Variants in HYAL4 observed in about 807,000 individuals in gnomAD.
HYAL4 encodes the protein hyaluronidase-4.
In HYAL4, 37 loss-of-function variants were observed where a neutral mutation model predicts 35.2. The ratio of observed to expected loss-of-function variants is 1.05; its 90% CI spans 0.81 to 1.38. The LOEUF is 1.38. Ranked by LOEUF, HYAL4 falls within the 40% of genes most tolerant of loss-of-function variation. The pLI, the probability that HYAL4 is intolerant of heterozygous loss-of-function variation, is 0.00. For synonymous variants in HYAL4, 198 were observed against 203.2 expected (o/e 0.97, Z 0.22); for missense variants, 572 against 572.4 (o/e 1.00, Z 0.01).
chr7:123,816,379 A>G, the HYAL4 span, among the ~76,000 whole-genome samples: 2 of 152,174 alleles, frequency 1.3e-5, no homozygotes, highest in Non-Finnish European at 2.9e-5. Flanking sequence ...AAATCATTTT[A>G]CTATCTTAAA....
intron 3 of HYAL4, among the ~76,000 whole-genome samples, chr7:123,870,803 A>G (rs1806860917): frequency 6.6e-6 from 1 of 152,122 alleles, no homozygotes; most frequent in African/African-American, 2.4e-5. Flanking sequence ...TCTTTATAAA[A>G]TAATCTTGAC....
chr7:123,797,578 C>A, the HYAL4 span, among the ~76,000 whole-genome samples: 4 of 152,124 alleles, frequency 2.6e-5, no homozygotes, highest in Admixed American at 1.3e-4. Flanking sequence ...ACAAATAAAT[C>A]AAGTAGATAT....
In HYAL4 at chr7:123,851,294, G is replaced by A. The variant is rs36926; in HGVS notation, c.-52+3136G>A. On this transcript the variant is annotated intron_variant, in intron 2 of 4. Coordinates refer to ENST00000223026, the MANE Select transcript of HYAL4 (RefSeq NM_012269.3). ...GTTCTGGGATACATCTGCAGAATGT[G>A]TGGGTTTGTTACGTAGCTATACATG... Among the ~76,000 whole-genome samples, 1,190 of 152,186 alleles carry A rather than the reference G, an allele frequency of 7.8e-3. 8 individuals carry two copies. The highest frequency in any genetic ancestry group is 0.013 in the Non-Finnish European group (907 of 67,982).
At chr7:123,854,355 A>G (rs1806381065) in intron 2 of HYAL4, among the ~76,000 whole-genome samples, 1 of 152,140 alleles carries the variant, frequency 6.6e-6, no homozygotes, top group Admixed American at 6.5e-5. Context: ...TGATGTGGGC[A>G]TTTAGTGCTA....
the HYAL4 span, among the ~76,000 whole-genome samples, chr7:123,790,288 T>TA: frequency 6.6e-6 from 1 of 152,190 alleles, no homozygotes; most frequent in African/African-American, 2.4e-5. Context: ...ATATAATCAT[T>TA]AAAAATCCTG....
chr7:123,838,397 A>G (rs1054474597), intron 1 of HYAL4, among the ~76,000 whole-genome samples: 1 of 152,106 alleles, frequency 6.6e-6, no homozygotes, highest in Non-Finnish European at 1.5e-5. Context: ...CATGCTACGT[A>G]TGGGCTTATG....
intron 3 of HYAL4, among the ~76,000 whole-genome samples, chr7:123,874,557 C>G (rs1806960326): frequency 6.6e-6 from 1 of 152,136 alleles, no homozygotes; most frequent in Non-Finnish European, 1.5e-5. Flanking sequence ...CGCCCACCAC[C>G]ACGCCTGGCT....
chr7:123,806,833 A>G, the HYAL4 span, among the ~76,000 whole-genome samples: 1 of 151,994 alleles, frequency 6.6e-6, no homozygotes, highest in Non-Finnish European at 1.5e-5. Flanking sequence ...CTGTCTCCAG[A>G]TGGTCACACC....
At chr7:123,785,623 A>C in the HYAL4 span, among the ~76,000 whole-genome samples, 1 of 152,344 alleles carries the variant, frequency 6.6e-6, no homozygotes, top group East Asian at 1.9e-4. This position sits in a 1 kb window ranked among gnomAD's most constrained non-coding sequence, Gnocchi z 4.5. Flanking sequence ...GAAGTGATCA[A>C]AAGAGATTGT....
chr7:123,868,440 C>A lies in HYAL4; in HGVS notation c.167C>A (p.Thr56Lys). ...KPFIAAWNAP[T>K]DQCLIKYNLR... ...TTTATAGCTGCTTGGAATGCTCCAA[C>A]AGATCAGTGTTTGATAAAATATAAT... is the stretch of plus-strand genomic sequence containing the variant. Residue 56 changes from threonine (T) to lysine (K), a missense_variant, in exon 3 of 5, where the codon ACA becomes AAA. Coordinates refer to ENST00000223026, the MANE Select transcript of HYAL4 (RefSeq NM_012269.3). The A allele has an allele frequency of 1.2e-6, 2 of 1,610,956 alleles. No individual in the cohort carries two copies. Among genetic ancestry groups the A allele is most frequent in the Admixed American group, 1.7e-5 (1 of 59,218 alleles).
chr7:123,780,839 T>A, the HYAL4 span, among the ~76,000 whole-genome samples: 8 of 142,850 alleles, frequency 5.6e-5, no homozygotes, highest in African/African-American at 2.2e-4. Flanking sequence ...CGGTGCAAGA[T>A]GTGCTTTGTT....
At chr7:123,859,446 A>AT (rs1806532856) in intron 2 of HYAL4, among the ~76,000 whole-genome samples, 1 of 152,196 alleles carries the variant, frequency 6.6e-6, no homozygotes, top group Non-Finnish European at 1.5e-5. Flanking sequence ...CTCCTAAACC[A>AT]TTAACCACTG....
Position 123,877,178 on chromosome 7 carries a change from T to C in HYAL4, c.*23T>C, listed in dbSNP as rs1180013407. On this transcript the variant is annotated 3_prime_UTR_variant, in exon 5 of 5. Coordinates refer to ENST00000223026, the MANE Select transcript of HYAL4 (RefSeq NM_012269.3). The stretch of plus-strand genomic sequence containing the variant: ...TGAGATAATTGAGTTTAAAGGGAAT[T>C]GTGTGGCCTCTAGCCTAGTCATTTA... The C allele has an allele frequency of 6.3e-7, 1 of 1,599,688 alleles. No individual in the cohort carries two copies. The highest frequency in any genetic ancestry group is 1.3e-5 in the African/African-American group (1 of 74,428).
At chr7:123,859,654 G>T (rs1359568553) in intron 2 of HYAL4, among the ~76,000 whole-genome samples, 1 of 152,110 alleles carries the variant, frequency 6.6e-6, no homozygotes, top group Non-Finnish European at 1.5e-5. Flanking sequence ...TTATAAAAAT[G>T]ATCTTCATAA....
At chr7:123,851,406 C>A (rs538865426) in intron 2 of HYAL4, among the ~76,000 whole-genome samples, 1 of 152,216 alleles carries the variant, frequency 6.6e-6, no homozygotes, top group South Asian at 2.1e-4. Context: ...CCTCTGCCCC[C>A]TGACAGCCCG....
Position 123,848,155 on chromosome 7 carries a change from A to G in HYAL4, c.-55A>G, listed in dbSNP as rs952825590. The G allele has an allele frequency of 2.6e-5, 4 of 152,776 alleles. No homozygotes were observed. Among genetic ancestry groups the G allele is most frequent in the Admixed American group, 6.5e-5 (1 of 15,284 alleles). 9.5% of individuals were successfully genotyped at this position (152,776 alleles called of 1,614,324 possible). On this transcript the variant is annotated 5_prime_UTR_variant, in exon 2 of 5. Transcript: ENST00000223026. ...TAAAGGACCAGCAGCAAACAAAAGC[A>G]AAGGTAAAATAGACTTTTTTTTCCT... is the stretch of plus-strand genomic sequence containing the variant.
chr7:123,804,739 G>T, the HYAL4 span, among the ~76,000 whole-genome samples: 2,355 of 152,242 alleles, frequency 0.015, 24 homozygotes, highest in Non-Finnish European at 0.026. Context: ...CCATGAATGT[G>T]GTGGTGAACT....
At chr7:123,777,298 AAAG>A in the HYAL4 span, among the ~76,000 whole-genome samples, 1 of 152,068 alleles carries the variant, frequency 6.6e-6, no homozygotes, top group Non-Finnish European at 1.5e-5. Flanking sequence ...ACAGTATAAA[AAAG>A]AATGTAAAAT....
chr7:123,832,244 C>A (rs916863184), intron 1 of HYAL4, among the ~76,000 whole-genome samples: 1 of 152,090 alleles, frequency 6.6e-6, no homozygotes, highest in East Asian at 1.9e-4. Flanking sequence ...ATGGAAGGAA[C>A]AGCTCATATA....
Sources: gnomAD v4.1 joint callset for allele counts (sites outside exome capture counted in the v4.1 genomes callset) on GRCh38, gnomAD v4.1.1 for gene constraint, Gnocchi (gnomAD v3.1) non-coding constraint, MANE v1.5 for transcripts, NCBI Gene and HGNC (gene_info 2026-07-23, HGNC 2026-07-21) for gene names.